The following KIF26B variants were observed in gnomAD, a reference collection of about 807,000 sequenced individuals.
The protein encoded by KIF26B is kinesin family member 26B, also known as kinesin-like protein KIF26B.
KIF26B carries 63 observed loss-of-function variants against 151.2 expected under a neutral mutation model. That is an observed-to-expected ratio of 0.42 (90% CI 0.34 to 0.51). The LOEUF is 0.51. Among genes scored for constraint, KIF26B ranks in the 20% least tolerant of loss-of-function variants. The pLI, the probability that KIF26B is intolerant of heterozygous loss-of-function variation, is 0.07. For synonymous variants in KIF26B, 1,357 were observed against 1,262.1 expected, an observed-to-expected ratio of 1.08 and a Z score of -1.59; for missense variants, 2,813 against 2,913.6, an observed-to-expected ratio of 0.97 and a Z score of 0.79.
intron 2 of KIF26B, among the ~76,000 whole-genome samples, chr1:245,295,138 T>TA (rs1385486353): frequency 6.6e-6 from 1 of 152,208 alleles, no homozygotes; most frequent in East Asian, 1.9e-4. Context: ...AACATGTTTT[T>TA]AAAAAACCTG....
At chr1:245,258,295 C>T (rs1446629743) in intron 2 of KIF26B, among the ~76,000 whole-genome samples, 2 of 152,208 alleles carry the variant, frequency 1.3e-5, no homozygotes, top group Non-Finnish European at 2.9e-5. Context: ...AAAGGCAGGT[C>T]TGACACAGAA....
At chr1:245,596,960 G>GC (rs1156613912) in intron 5 of KIF26B, among the ~76,000 whole-genome samples, 2 of 152,038 alleles carry the variant, frequency 1.3e-5, no homozygotes, top group African/African-American at 4.8e-5. Flanking sequence ...CGCAACCCTT[G>GC]CTTTTTTTGT....
chr1:245,362,172 C>T (rs1012908199), intron 2 of KIF26B, among the ~76,000 whole-genome samples: 1 of 151,286 alleles, frequency 6.6e-6, no homozygotes, highest in African/African-American at 2.4e-5. Flanking sequence ...CACACCCCAT[C>T]AAGCACAGGC....
At chr1:245,524,284 C>T (rs1661191288) in intron 4 of KIF26B, among the ~76,000 whole-genome samples, 1 of 152,218 alleles carries the variant, frequency 6.6e-6, no homozygotes. Flanking sequence ...TTTATTCTCA[C>T]AACAGACCCT....
At chr1:245,429,473 G>A (rs1658728206) in intron 4 of KIF26B, among the ~76,000 whole-genome samples, 2 of 152,120 alleles carry the variant, frequency 1.3e-5, no homozygotes, top group Admixed American at 6.6e-5. Context: ...CACCTGTTAC[G>A]AACTAGATGC....
chr1:245,159,477 C>A (rs897860461), intron 2 of KIF26B, among the ~76,000 whole-genome samples: 1 of 152,094 alleles, frequency 6.6e-6, no homozygotes, highest in African/African-American at 2.4e-5. Context: ...ACTATTAAAA[C>A]GTCATTAAAA....
At chr1:245,528,182 C>A (rs529827195) in intron 4 of KIF26B, among the ~76,000 whole-genome samples, 33 of 152,182 alleles carry the variant, frequency 2.2e-4, no homozygotes, top group African/African-American at 7.9e-4. Flanking sequence ...AAGCAGAAGC[C>A]GAGATGCAGA....
chr1:245,209,711 T>C (rs1281425479), intron 2 of KIF26B, among the ~76,000 whole-genome samples: 1 of 152,160 alleles, frequency 6.6e-6, no homozygotes, highest in African/African-American at 2.4e-5. Context: ...TAAGAAATAA[T>C]GCAAGGTGCC....
chr1:245,498,611 A>G (rs536117797), intron 4 of KIF26B, among the ~76,000 whole-genome samples: 20 of 152,200 alleles, frequency 1.3e-4, no homozygotes, highest in Non-Finnish European at 2.4e-4. Context: ...TCCTGAAAAG[A>G]TAGTTCAAAT....
intron 3 of KIF26B, among the ~76,000 whole-genome samples, chr1:245,406,362 G>T (rs1674135053): frequency 6.6e-6 from 1 of 152,184 alleles, no homozygotes; most frequent in African/African-American, 2.4e-5. Context: ...ATTTGGTCCA[G>T]CCTGTCTCCA....
chr1:245,618,894 G>A (rs1348609127), intron 9 of KIF26B, among the ~76,000 whole-genome samples: 276 of 129,578 alleles, frequency 2.1e-3, no homozygotes, highest in Non-Finnish European at 3.4e-3. Context: ...TGTCTGCTGC[G>A]TGCTGTTGGT....
At chr1:245,210,337 A>C (rs919683159) in intron 2 of KIF26B, among the ~76,000 whole-genome samples, 2 of 152,134 alleles carry the variant, frequency 1.3e-5, no homozygotes, top group African/African-American at 2.4e-5. Context: ...ACCACCCCGC[A>C]CAGGCCCACT....
intron 2 of KIF26B, among the ~76,000 whole-genome samples, chr1:245,338,728 C>T (rs1351689020): frequency 6.6e-6 from 1 of 152,102 alleles, no homozygotes; most frequent in Non-Finnish European, 1.5e-5. Flanking sequence ...AACCTCTGAC[C>T]CGAAGGGCAA....
At chr1:245,628,811 GTC>G (rs201815565) in intron 9 of KIF26B, among the ~76,000 whole-genome samples, 2,281 of 152,302 alleles carry the variant, frequency 0.015, 50 homozygotes, top group Admixed American at 0.065. Context: ...AAGTCAACTT[GTC>G]TCTGTTTGCA....
At chr1:245,232,157 A>G (rs1670011947) in intron 2 of KIF26B, among the ~76,000 whole-genome samples, 2 of 152,380 alleles carry the variant, frequency 1.3e-5, no homozygotes, top group South Asian at 4.1e-4. Flanking sequence ...ATGGAGCTAG[A>G]TTGCAATGTT....
chr1:245,669,919 A>G (rs1177226751), intron 10 of KIF26B, among the ~76,000 whole-genome samples: 2 of 152,154 alleles, frequency 1.3e-5, no homozygotes, highest in Non-Finnish European at 2.9e-5. Context: ...GTTCTCAGGT[A>G]TAAGTGGGAG....
chr1:245,272,378 T>C (rs1670867695), intron 2 of KIF26B, among the ~76,000 whole-genome samples: 1 of 152,116 alleles, frequency 6.6e-6, no homozygotes, highest in African/African-American at 2.4e-5. Context: ...CTAGGCAACA[T>C]AGCAAGACCC....
intron 12 of KIF26B, among the ~76,000 whole-genome samples, chr1:245,691,135 C>T (rs61831279): frequency 0.038 from 5,845 of 152,268 alleles, 152 homozygotes; most frequent in South Asian, 0.081. Flanking sequence ...TCATTATTTC[C>T]GTGGCTTTCA....
chr1:245,638,701 T>C (rs1572172628), intron 9 of KIF26B, among the ~76,000 whole-genome samples: 1 of 151,896 alleles, frequency 6.6e-6, no homozygotes, highest in Non-Finnish European at 1.5e-5. Flanking sequence ...CGAAGGGATA[T>C]TGAATTTTAC....
Sources: gnomAD v4.1 joint callset for allele counts (sites outside exome capture counted in the v4.1 genomes callset) on GRCh38, gnomAD v4.1.1 for gene constraint, MANE v1.5 for transcripts, NCBI Gene and HGNC (gene_info 2026-07-23, HGNC 2026-07-21) for gene names.